CCDC141: variants seen among roughly 807,000 people sequenced by gnomAD.
CCDC141 encodes the protein coiled-coil domain containing 141.
In CCDC141, 168 loss-of-function variants were observed where a neutral mutation model predicts 181.0. The ratio of observed to expected loss-of-function variants is 0.93; its 90% CI spans 0.82 to 1.05. The LOEUF (loss-of-function observed/expected upper bound fraction) is 1.05. Among genes scored for constraint, CCDC141 ranks in the 50% least tolerant of loss-of-function variants. CCDC141 has a pLI of 0.00. For synonymous variants in CCDC141, 666 were observed against 642.3 expected (o/e 1.04, Z -0.56); for missense variants, 1,902 against 1,788.5 (o/e 1.06, Z -1.14).
chr2:178,891,977 A>C (rs542292737), intron 8 of CCDC141, among the ~76,000 whole-genome samples: 1 of 152,264 alleles, frequency 6.6e-6, no homozygotes, highest in East Asian at 1.9e-4. Context: ...CCATTTTCAA[A>C]TCAAATAAAA....
intron 8 of CCDC141, among the ~76,000 whole-genome samples, chr2:178,904,742 C>T (rs1214438652): frequency 6.6e-6 from 1 of 152,116 alleles, no homozygotes; most frequent in Non-Finnish European, 1.5e-5. Context: ...GTCTTTCTCT[C>T]TCTTCATGCC....
chr2:178,949,695 G>A (rs1369529241), intron 5 of CCDC141, among the ~76,000 whole-genome samples: 1 of 152,212 alleles, frequency 6.6e-6, no homozygotes, highest in Non-Finnish European at 1.5e-5. Context: ...GAGAATGGAT[G>A]TGTGGGTCAG....
chr2:178,903,078 A>T (rs548746559), intron 8 of CCDC141, among the ~76,000 whole-genome samples: 2 of 150,464 alleles, frequency 1.3e-5, no homozygotes, highest in African/African-American at 4.8e-5. Flanking sequence ...CACCAGTCAG[A>T]ATGGCAATCA....
intron 2 of CCDC141, among the ~76,000 whole-genome samples, chr2:179,033,977 T>TA (rs2043069116): frequency 6.6e-6 from 1 of 152,310 alleles, no homozygotes; most frequent in South Asian, 2.1e-4. Context: ...ATTACTAATT[T>TA]AAAACTTTAT....
chr2:178,970,740 C>A (rs527796705), intron 4 of CCDC141, among the ~76,000 whole-genome samples: 1 of 152,182 alleles, frequency 6.6e-6, no homozygotes, highest in African/African-American at 2.4e-5. Context: ...ACACCAAAAG[C>A]AATGGCAACA....
intron 15 of CCDC141, 124 bp downstream of exon 15, chr2:178,868,993 G>T: frequency 1.7e-6 from 1 of 590,620 alleles, no homozygotes; most frequent in Non-Finnish European, 2.7e-6. Context: ...AAAGATAGGG[G>T]CCAGATTGTG....
At chr2:179,037,323 G>A (rs956061916) in intron 2 of CCDC141, among the ~76,000 whole-genome samples, 2 of 152,226 alleles carry the variant, frequency 1.3e-5, no homozygotes, top group African/African-American at 4.8e-5. Flanking sequence ...TGGGTCAACA[G>A]GAGCACAGGG....
intron 13 of CCDC141, 49 bp downstream of exon 13, chr2:178,872,084 C>T (rs753799313): frequency 1.1e-5 from 17 of 1,574,084 alleles, no homozygotes; most frequent in South Asian, 6.9e-5. Context: ...TCATGTTAGC[C>T]TGTGTCGGAA....
chr2:178,836,218 TAC>T (rs1403585272), intron 23 of CCDC141: 1 of 152,250 alleles, frequency 6.6e-6, no homozygotes, highest in Non-Finnish European at 1.5e-5. Context: ...ACCAGTATTC[TAC>T]AGTTTGCTTT....
chr2:178,961,158 C>G, intron 5 of CCDC141, 72 bp downstream of exon 5: 1 of 1,473,064 alleles, frequency 6.8e-7, no homozygotes, highest in Non-Finnish European at 9.1e-7. Context: ...CAAACTGCCC[C>G]AGGGAATGGT....
At chr2:178,934,613 T>G (rs980005030) in intron 6 of CCDC141, among the ~76,000 whole-genome samples, 14 of 152,212 alleles carry the variant, frequency 9.2e-5, no homozygotes, top group African/African-American at 3.4e-4. Context: ...ACATCCTGAA[T>G]AAAGTATCAC....
At chr2:179,023,876 A>T (rs2042756822) in intron 2 of CCDC141, among the ~76,000 whole-genome samples, 1 of 152,194 alleles carries the variant, frequency 6.6e-6, no homozygotes, top group Non-Finnish European at 1.5e-5. Flanking sequence ...GGTACCCAAG[A>T]TTATATGAAT....
chr2:178,877,796 G>A, intron 12 of CCDC141, 168 bp downstream of exon 12: 1 of 683,698 alleles, frequency 1.5e-6, no homozygotes, highest in East Asian at 2.7e-5. Flanking sequence ...TCTAGGCCAA[G>A]CAAGCATTTA....
chr2:178,883,427 A>C (rs1349149538), intron 11 of CCDC141, among the ~76,000 whole-genome samples: 1 of 152,232 alleles, frequency 6.6e-6, no homozygotes, highest in Non-Finnish European at 1.5e-5. Flanking sequence ...AAAATTAAGA[A>C]AAAAGAAAAT....
intron 2 of CCDC141, among the ~76,000 whole-genome samples, chr2:179,016,729 TTTC>T (rs1488408649): frequency 6.6e-6 from 1 of 152,110 alleles, no homozygotes; most frequent in Non-Finnish European, 1.5e-5. Context: ...AATGTACTTA[TTTC>T]TTATTTCCCT....
chr2:178,834,224 C>A lies in CCDC141; in HGVS notation c.4542G>T (p.Leu1514=). Residue 1514 remains leucine (L), a synonymous_variant, in exon 24 of 24, where the codon CTG becomes CTT. Coordinates refer to ENST00000443758, the MANE Select transcript of CCDC141 (RefSeq NM_173648.4). The part of the protein sequence containing the change: ...LPITRVNWIT[L]CVVYVSVSLM... Reference sequence around the variant, plus strand: ...GGGACACACTAACATAGACGACACACAGGGTTATCCAGTTTACTCTTGTGA... The same window carrying A: ...GGGACACACTAACATAGACGACACAAAGGGTTATCCAGTTTACTCTTGTGA... 6.5e-7 allele frequency: 1 copy of A among 1,536,268 alleles called. No individual in the cohort carries two copies.
chr2:178,836,796 T>A, intron 23 of CCDC141, 98 bp downstream of exon 23: 1 of 1,340,328 alleles, frequency 7.5e-7, no homozygotes, highest in Non-Finnish European at 1.0e-6. Context: ...AGAATATTAA[T>A]CAGCTAGCCC....
intron 5 of CCDC141, among the ~76,000 whole-genome samples, chr2:178,950,971 A>T (rs1234424312): frequency 6.6e-6 from 1 of 152,196 alleles, no homozygotes; most frequent in African/African-American, 2.4e-5. Context: ...CATTGCCCAC[A>T]ACAGTTATTT....
chr2:178,860,685 G>T (rs1168482106), intron 17 of CCDC141, among the ~76,000 whole-genome samples: 5 of 148,554 alleles, frequency 3.4e-5, no homozygotes, highest in Non-Finnish European at 1.5e-5. Context: ...GTACCAGAGA[G>T]ATTTCAGGAC....
Sources: allele counts gnomAD v4.1 joint callset (sites outside exome capture counted in the v4.1 genomes callset), GRCh38; gene constraint gnomAD v4.1.1; transcripts MANE v1.5; gene names NCBI Gene and HGNC (gene_info 2026-07-23, HGNC 2026-07-21).